Variants in ZDHHC24 observed in about 807,000 individuals in gnomAD.
ZDHHC24 encodes probable palmitoyltransferase ZDHHC24.
ZDHHC24 carries 17 observed loss-of-function variants against 23.2 expected under a neutral mutation model. That is an observed-to-expected ratio of 0.73 (90% CI 0.50 to 1.10). The LOEUF is 1.10. ZDHHC24 is among the 50% of genes least tolerant of loss of function. The pLI is 0.00. For synonymous variants in ZDHHC24, 186 were observed against 194.5 expected (o/e 0.96, Z 0.36); for missense variants, 366 against 393.0 (o/e 0.93, Z 0.58).
chr11:66,526,623 T>G, intron 4 of ZDHHC24: 2 of 1,614,082 alleles, frequency 1.2e-6, no homozygotes, highest in Non-Finnish European at 1.7e-6. Flanking sequence ...GGAGGACAAA[T>G]CCATTTCCAC....
chr11:66,528,051 T>A (rs1367440937), intron 3 of ZDHHC24, among the ~76,000 whole-genome samples: 1 of 151,960 alleles, frequency 6.6e-6, no homozygotes, highest in Non-Finnish European at 1.5e-5. Context: ...GCCAACATGG[T>A]GAAACCCCCT....
downstream of ZDHHC24, chr11:66,531,614 G>A: frequency 6.2e-7 from 1 of 1,613,648 alleles, no homozygotes; most frequent in East Asian, 2.2e-5. Flanking sequence ...CCAAACACTG[G>A]CACGAGGGCT....
At position 66,537,876 on chromosome 11, in the gene ZDHHC24, C is replaced by A. The variant is rs981601487; in HGVS notation, c.*1653G>T. 6.6e-6 allele frequency: 1 copy of A among 150,880 alleles called. No homozygotes were observed. Among genetic ancestry groups the A allele is most frequent in the African/African-American group, 2.4e-5 (1 of 41,082 alleles). 9.3% of individuals were successfully genotyped at this position (150,880 alleles called of 1,614,324 possible). A position where few individuals can be genotyped will look rare whatever the true frequency, so the allele number is the denominator to read the frequency against. ...CCAGAAGGCGGAGCTTGCAGTGAGC[C>A]GAGATCGTGCCACTGCACTCCAGCC... On this transcript the variant is annotated 3_prime_UTR_variant, in exon 3 of 3. Coordinates refer to ENST00000310442, the MANE Select transcript of ZDHHC24 (RefSeq NM_207340.3).
intron 4 of ZDHHC24, chr11:66,523,777 C>A: frequency 6.2e-7 from 1 of 1,613,372 alleles, no homozygotes; most frequent in Non-Finnish European, 8.5e-7. Context: ...CCATGAACCT[C>A]CTGGAGCAGC....
downstream of ZDHHC24, chr11:66,531,945 C>T: frequency 6.3e-7 from 1 of 1,584,024 alleles, no homozygotes; most frequent in South Asian, 1.1e-5. Context: ...GGCCACTCCT[C>T]CATAGGTGCT....
At chr11:66,526,208 CCT>C in intron 4 of ZDHHC24, 1 of 1,613,280 alleles carries the variant, frequency 6.2e-7, no homozygotes. Flanking sequence ...TGGAGTCAGA[CCT>C]GGCAAGGGCT....
Position 66,545,586 on chromosome 11 carries a change from T to A in ZDHHC24, c.281+137A>T. ...ATAACACTCAATTCTAGCTCTTCCATCCCAGGTTCTAAAAAAATGTCTGAT... is the reference window on the plus strand; with the variant it reads ...ATAACACTCAATTCTAGCTCTTCCAACCCAGGTTCTAAAAAAATGTCTGAT... On this transcript the variant is annotated intron_variant, in intron 1 of 2. Coordinates refer to ENST00000310442, the MANE Select transcript of ZDHHC24 (RefSeq NM_207340.3). This position sits in a 1 kb window ranked among gnomAD's most constrained non-coding sequence, Gnocchi z 4.5. 2 of 1,049,298 alleles carry A rather than the reference T, an allele frequency of 1.9e-6. No individual in the cohort carries two copies. The highest frequency in any genetic ancestry group is 2.6e-6 in the Non-Finnish European group (2 of 764,022). 65.0% of individuals were successfully genotyped at this position (1,049,298 alleles called of 1,614,324 possible).
chr11:66,545,638 C>A lies in ZDHHC24; in HGVS notation c.281+85G>T, dbSNP rs1857291684. The A allele has an allele frequency of 1.5e-5, 21 of 1,365,324 alleles. No individual in the cohort carries two copies. In the South Asian group the frequency reaches 3.0e-4, roughly 20 times the overall value. The allele number at this position is 1,365,324 out of a possible 1,614,324, so 84.6% of individuals were successfully genotyped here. On this transcript the variant is annotated intron_variant, in intron 1 of 2. Coordinates refer to ENST00000310442, the MANE Select transcript of ZDHHC24 (RefSeq NM_207340.3). The surrounding 1 kb of genome is among the most constrained non-coding windows in gnomAD (Gnocchi z 4.5). ...CTAACAACCTGGATCCTAATGTAAC[C>A]CGGTTCTAACATCTCAGGTCTTGGG...
In ZDHHC24 at chr11:66,537,562, ACGGTGGCT is replaced by A. The variant is rs1857006411; in HGVS notation, c.*1959_*1966del. On this transcript the variant is annotated 3_prime_UTR_variant, in exon 3 of 3. Coordinates refer to ENST00000310442, the MANE Select transcript of ZDHHC24 (RefSeq NM_207340.3). ...GAAAATGTCAGCCAGGCGGCCGGGC[ACGGTGGCT>A]CACACCTGTAATCCCAGCACTTTGG... is the stretch of plus-strand genomic sequence containing the variant. The A allele has an allele frequency of 6.6e-6, 1 of 151,102 alleles. No individual in the cohort carries two copies. The highest frequency in any genetic ancestry group is 2.4e-5 in the African/African-American group (1 of 41,242). 9.4% of individuals were successfully genotyped at this position (151,102 alleles called of 1,614,324 possible).
intron 3 of ZDHHC24, chr11:66,529,205 G>GGGGGTCCGGGGGGGGGGGGGGGGGGGGGC: frequency 1.0e-6 from 1 of 957,310 alleles, no homozygotes; most frequent in Non-Finnish European, 1.6e-6. Context: ...GGCGGGGTGG[G>GGGGGTCCGGGGGGGGGGGGGGGGGGGGGC]CCCTGGAGGT....
At chr11:66,521,560 GC>G in intron 4 of ZDHHC24, 1 of 648,232 alleles carries the variant, frequency 1.5e-6, no homozygotes, top group South Asian at 1.7e-5. Context: ...TGAGATAGGG[GC>G]TGGCACAGTG....
Position 66,539,959 on chromosome 11 carries a change from G to A in ZDHHC24, c.560-135C>T, listed in dbSNP as rs565535496. ...TGTGTCGATACTCGCTGGCCAGCCC[G>A]TGCTGGGTGACAAGAACGCACTGGT... On this transcript the variant is annotated intron_variant, in intron 2 of 2. Coordinates refer to ENST00000310442, the MANE Select transcript of ZDHHC24 (RefSeq NM_207340.3). The A allele has an allele frequency of 5.3e-5, 48 of 898,214 alleles. 1 individual carries two copies. Among genetic ancestry groups the A allele is most frequent in the African/African-American group, 2.2e-4 (13 of 58,430 alleles). 55.6% of individuals were successfully genotyped at this position (898,214 alleles called of 1,614,324 possible). A position where few individuals can be genotyped will look rare whatever the true frequency, so the allele number is the denominator to read the frequency against.
Position 66,523,723 on chromosome 11 carries a change from G to A in ZDHHC24, c.*22-2257C>T, listed in dbSNP as rs1057516661. 3.7e-6 allele frequency: 6 copies of A among 1,610,984 alleles called. No individual in the cohort carries two copies. The African/African-American group carries it at 4.0e-5, about 11-fold the overall frequency. On this transcript the variant is annotated intron_variant, in intron 4 of 4. Transcript: ENST00000526986. Reference sequence around the variant, plus strand: ...CACAGACGCTGGCTGTTCCCTGCCAGGGGAAGAAGCTGTGGACAGTGCAGA... The same window carrying A: ...CACAGACGCTGGCTGTTCCCTGCCAAGGGAAGAAGCTGTGGACAGTGCAGA...
exon 5 of ZDHHC24, chr11:66,521,191 C>A: frequency 9.6e-7 from 1 of 1,038,520 alleles, no homozygotes; most frequent in Non-Finnish European, 1.5e-6. Context: ...ACCAGGCACT[C>A]ACTCAGAGGA....
At chr11:66,534,849 C>T (rs1314534554), downstream of ZDHHC24, among the ~76,000 whole-genome samples, 1 of 152,068 alleles carries the variant, frequency 6.6e-6, no homozygotes, top group African/African-American at 2.4e-5. Flanking sequence ...GCGCCTGCCA[C>T]CATGCCCGGC....
At chr11:66,530,886 C>T (rs398124402), downstream of ZDHHC24, 36 of 1,614,118 alleles carry the variant, frequency 2.2e-5, no homozygotes, top group Admixed American at 5.0e-4. Flanking sequence ...CACCCACCCT[C>T]TCCATAGGTT....
chr11:66,531,922 C>T, downstream of ZDHHC24: 1 of 1,569,132 alleles, frequency 6.4e-7, no homozygotes, highest in Non-Finnish European at 8.6e-7. Context: ...GGGTGTATGC[C>T]CCCTGCTGCC....
At chr11:66,531,015 G>A (rs142648652), downstream of ZDHHC24, 104 of 1,614,208 alleles carry the variant, frequency 6.4e-5, no homozygotes, top group Admixed American at 3.8e-4. Flanking sequence ...TCCCTGCCCC[G>A]GGCCTTCTTC....
At position 66,526,202 on chromosome 11, in the gene ZDHHC24, G is replaced by A; in HGVS notation, c.*21+734C>T. On this transcript the variant is annotated intron_variant, in intron 4 of 4. Transcript: ENST00000526986. The stretch of plus-strand genomic sequence containing the variant: ...ATCATGACCACTCGAGGTGAGTGGA[G>A]TCAGACCTGGCAAGGGCTTTGAAGT... 6.2e-7 allele frequency: 1 copy of A among 1,613,596 alleles called. No individual in the cohort carries two copies. The highest frequency in any genetic ancestry group is 8.5e-7 in the Non-Finnish European group (1 of 1,179,496).
Sources: allele counts gnomAD v4.1 joint callset (sites outside exome capture counted in the v4.1 genomes callset), GRCh38; gene constraint gnomAD v4.1.1; non-coding constraint Gnocchi (gnomAD v3.1); transcripts MANE v1.5; gene names NCBI Gene and HGNC (gene_info 2026-07-23, HGNC 2026-07-21).